The following HDGFL3 variants were observed in gnomAD, a reference collection of about 807,000 sequenced individuals.
The protein encoded by HDGFL3 is hepatoma-derived growth factor-related protein 3.
A neutral mutation model predicts 27.6 loss-of-function variants in HDGFL3; 6 were observed. The ratio of observed to expected loss-of-function variants is 0.22; its 90% CI spans 0.12 to 0.43. The LOEUF is 0.43. Ranked by LOEUF, HDGFL3 falls within the 20% of genes least tolerant of loss-of-function variation. HDGFL3 has a pLI of 1.00. For synonymous variants in HDGFL3, 88 were observed against 88.9 expected (o/e 0.99, Z 0.05); for missense variants, 207 against 250.1 (o/e 0.83, Z 1.16).
intron 1 of HDGFL3, among the ~76,000 whole-genome samples, chr15:83,178,393 T>C (rs569867780): frequency 6.6e-6 from 1 of 152,334 alleles, no homozygotes; most frequent in African/African-American, 2.4e-5. Flanking sequence ...TTCACTAGAA[T>C]AACCTCCTGA....
At chr15:83,164,367 C>CAAAAAAAAAAAAAAAAAAAAAAAAAAAA (rs869303457) in intron 1 of HDGFL3, among the ~76,000 whole-genome samples, 3 of 38,392 alleles carry the variant, frequency 7.8e-5, no homozygotes, top group Non-Finnish European at 1.4e-4. Context: ...TTAGAGTAAC[C>CAAAAAAAAAAAAAAAAAAAAAAAAAAAA]AAAAAAAAAA....
chr15:83,193,679 C>T (rs576722308), intron 1 of HDGFL3, among the ~76,000 whole-genome samples: 1 of 152,232 alleles, frequency 6.6e-6, no homozygotes, highest in Non-Finnish European at 1.5e-5. Flanking sequence ...GTTGCCAGCA[C>T]AACATCTGGA....
chr15:83,147,977 C>T (rs771185645), intron 5 of HDGFL3, among the ~76,000 whole-genome samples: 12 of 152,082 alleles, frequency 7.9e-5, no homozygotes, highest in African/African-American at 2.2e-4. Flanking sequence ...ACCCAAAACA[C>T]GCGCTGTACA....
Position 83,164,367 on chromosome 15 carries a change from C to CAAAAAAAAAA in HDGFL3, c.85-302_85-293dup, listed in dbSNP as rs869303457. Among the ~76,000 whole-genome samples the CAAAAAAAAAA allele has an allele frequency of 3.6e-3, 139 of 38,402 alleles. 1 individual carries two copies. The highest frequency in any genetic ancestry group is 6.3e-3 in the East Asian group (7 of 1,118). The allele number at this position is 38,402 out of a possible 152,430, so 25.2% of individuals were successfully genotyped here. On this transcript the variant is annotated intron_variant, in intron 1 of 5. Coordinates refer to ENST00000299633, the MANE Select transcript of HDGFL3 (RefSeq NM_016073.4). ...TGTCCTAGTGAAAAATTAGAGTAAC[C>CAAAAAAAAAA]AAAAAAAAAAAAAAAAAAAAAAAAA...
chr15:83,203,858 T>A (rs2037682883), intron 1 of HDGFL3, among the ~76,000 whole-genome samples: 1 of 150,886 alleles, frequency 6.6e-6, no homozygotes, highest in Non-Finnish European at 1.5e-5. Context: ...TAAAGAAAAT[T>A]TAGATATATT....
chr15:83,153,928 C>T (rs946029614), intron 4 of HDGFL3, among the ~76,000 whole-genome samples: 2 of 152,128 alleles, frequency 1.3e-5, no homozygotes, highest in African/African-American at 2.4e-5. Context: ...AGGTGTGGGG[C>T]CTTTTCCTCT....
chr15:83,116,011 A>G, intron 3 of HDGFL3: 1 of 1,210,528 alleles, frequency 8.3e-7, no homozygotes, highest in Admixed American at 1.7e-5. Flanking sequence ...TTACTCAGAG[A>G]CAGAAATCCT....
At chr15:83,115,839 C>CTCTA in intron 3 of HDGFL3, 1 of 1,608,126 alleles carries the variant, frequency 6.2e-7, no homozygotes, top group Non-Finnish European at 8.5e-7. Flanking sequence ...GCTTTCTTTG[C>CTCTA]TCTAGTGTAT....
intron 5 of HDGFL3, among the ~76,000 whole-genome samples, chr15:83,141,642 G>A (rs1459036604): frequency 1.3e-5 from 2 of 151,854 alleles, no homozygotes; most frequent in Non-Finnish European, 1.5e-5. Context: ...TAAGTGTAGC[G>A]GTGTGATCAC....
At chr15:83,166,031 G>T (rs1373824650) in intron 1 of HDGFL3, among the ~76,000 whole-genome samples, 1 of 152,074 alleles carries the variant, frequency 6.6e-6, no homozygotes, top group East Asian at 1.9e-4. Context: ...AAATATATTT[G>T]AGGAAATAAT....
chr15:83,192,362 G>C, intron 1 of HDGFL3: 1 of 449,164 alleles, frequency 2.2e-6, no homozygotes, highest in Admixed American at 2.4e-5. Flanking sequence ...ACTCCTGACA[G>C]GGTTGCTAAA....
chr15:83,150,082 T>A (rs1016834872), intron 5 of HDGFL3, among the ~76,000 whole-genome samples: 22 of 152,198 alleles, frequency 1.4e-4, no homozygotes, highest in Admixed American at 1.3e-4. Context: ...AGCTCCTACC[T>A]AATGTTGATG....
intron 5 of HDGFL3, chr15:83,144,621 T>C: frequency 2.3e-6 from 1 of 436,442 alleles, no homozygotes; most frequent in Admixed American, 2.6e-5. Flanking sequence ...AGGCCTCCAG[T>C]CCAACAACCG....
chr15:83,122,579 G>A (rs887665452), intron 3 of HDGFL3, among the ~76,000 whole-genome samples: 2 of 152,102 alleles, frequency 1.3e-5, no homozygotes, highest in Non-Finnish European at 2.9e-5. Context: ...CTGTAGATAG[G>A]ACATGCCTGT....
chr15:83,120,690 C>T (rs1171099072), intron 3 of HDGFL3, among the ~76,000 whole-genome samples: 1 of 151,116 alleles, frequency 6.6e-6, no homozygotes, highest in Non-Finnish European at 1.5e-5. Context: ...CAGGCCTCAG[C>T]TGGGACTACA....
intron 1 of HDGFL3, among the ~76,000 whole-genome samples, chr15:83,168,322 C>T (rs114873832): frequency 1.0e-3 from 153 of 152,096 alleles, no homozygotes; most frequent in African/African-American, 3.6e-3. Flanking sequence ...TGGAATTGAA[C>T]GAAATTGGAC....
chr15:83,175,287 T>G (rs896047694), intron 1 of HDGFL3, among the ~76,000 whole-genome samples: 2 of 152,242 alleles, frequency 1.3e-5, no homozygotes, highest in Non-Finnish European at 2.9e-5. Flanking sequence ...GGTTCCCTCA[T>G]GAATTTAATG....
At chr15:83,167,078 C>A (rs1567171132) in intron 1 of HDGFL3, among the ~76,000 whole-genome samples, 1 of 152,186 alleles carries the variant, frequency 6.6e-6, no homozygotes, top group Non-Finnish European at 1.5e-5. Context: ...CACAGAGTGG[C>A]AGCTTGGATA....
chr15:83,181,127 A>G (rs1424138174), intron 1 of HDGFL3: 2 of 152,188 alleles, frequency 1.3e-5, no homozygotes, highest in African/African-American at 4.8e-5. Context: ...ATAAAACCCT[A>G]AAAACATTGT....
Sources: gnomAD v4.1 joint callset for allele counts (sites outside exome capture counted in the v4.1 genomes callset) on GRCh38, gnomAD v4.1.1 for gene constraint, MANE v1.5 for transcripts, NCBI Gene and HGNC (gene_info 2026-07-23, HGNC 2026-07-21) for gene names.